The following ANKMY2 variants were observed in gnomAD, a reference collection of about 807,000 sequenced individuals.
ANKMY2 encodes the protein ankyrin repeat and MYND domain containing 2, also known as ankyrin repeat and MYND domain-containing protein 2.
In ANKMY2, 36 loss-of-function variants were observed where a neutral mutation model predicts 50.4. The observed-to-expected ratio is 0.71, with a 90% CI of 0.55 to 0.94. The LOEUF (loss-of-function observed/expected upper bound fraction) is 0.94, where lower values mean the gene tolerates loss of function less well. ANKMY2 is among the 40% of genes least tolerant of loss of function. ANKMY2 has a pLI of 0.00. For missense variants in ANKMY2, 565 were observed against 524.0 expected (o/e 1.08, Z -0.76); for synonymous variants, 187 against 178.8 (o/e 1.05, Z -0.36).
At chr7:16,637,237 A>C (rs1051133037) in intron 1 of ANKMY2, among the ~76,000 whole-genome samples, 2 of 152,246 alleles carry the variant, frequency 1.3e-5, no homozygotes, top group Non-Finnish European at 2.9e-5. Flanking sequence ...AGAAAGGCTA[A>C]GATAAGCCTC....
intron 1 of ANKMY2, among the ~76,000 whole-genome samples, chr7:16,640,138 C>G (rs1430204814): frequency 1.3e-5 from 2 of 152,028 alleles, no homozygotes; most frequent in Non-Finnish European, 2.9e-5. Flanking sequence ...TGCACTCCAG[C>G]TTGGGCGACA....
intron 2 of ANKMY2, 60 bp downstream of exon 2, chr7:16,636,331 A>T: frequency 4.7e-6 from 3 of 631,956 alleles, no homozygotes; most frequent in Non-Finnish European, 7.7e-6. Context: ...AAAAAAAAAA[A>T]GGATATATTA....
At chr7:16,634,733 G>A (rs534557268) in intron 2 of ANKMY2, among the ~76,000 whole-genome samples, 1 of 152,236 alleles carries the variant, frequency 6.6e-6, no homozygotes, top group East Asian at 1.9e-4. Context: ...TGAGAACATT[G>A]CATAGAGGAC....
At chr7:16,624,379 C>A (rs1476883962) in intron 4 of ANKMY2, among the ~76,000 whole-genome samples, 1 of 152,068 alleles carries the variant, frequency 6.6e-6, no homozygotes, top group Admixed American at 6.5e-5. Context: ...GATTAACATG[C>A]CAAGAATTAT....
intron 4 of ANKMY2, among the ~76,000 whole-genome samples, chr7:16,620,583 T>C (rs1217990399): frequency 2.3e-5 from 3 of 131,836 alleles, no homozygotes; most frequent in African/African-American, 1.0e-4. Context: ...TTTAGGGAAA[T>C]ACATGTGTAC....
chr7:16,628,402 G>A (rs1781535413), intron 2 of ANKMY2, among the ~76,000 whole-genome samples: 1 of 151,820 alleles, frequency 6.6e-6, no homozygotes, highest in Non-Finnish European at 1.5e-5. Context: ...CAACTCCGTG[G>A]AAGCAACGGA....
chr7:16,636,485 G>T (rs1395829768), intron 1 of ANKMY2, 30 bp from the exon 2 acceptor site: 2 of 1,514,116 alleles, frequency 1.3e-6, no homozygotes, highest in Non-Finnish European at 1.8e-6. Flanking sequence ...GAAAAGTAAG[G>T]TTATTCGTCA....
At chr7:16,627,725 T>C (rs552646052) in intron 2 of ANKMY2, among the ~76,000 whole-genome samples, 11 of 152,364 alleles carry the variant, frequency 7.2e-5, no homozygotes, top group Admixed American at 3.3e-4. Flanking sequence ...TTTAAAACCA[T>C]GATTCCCCAA....
At chr7:16,642,651 AG>A in intron 1 of ANKMY2, among the ~76,000 whole-genome samples, 1 of 151,572 alleles carries the variant, frequency 6.6e-6, no homozygotes, top group African/African-American at 2.4e-5. Context: ...AACGTATGAA[AG>A]AAAAAAAAAA....
chr7:16,639,230 C>T (rs1396660608), intron 1 of ANKMY2, among the ~76,000 whole-genome samples: 1 of 152,116 alleles, frequency 6.6e-6, no homozygotes, highest in African/African-American at 2.4e-5. Context: ...TTCCTACTGT[C>T]CATAGTAGAC....
intron 2 of ANKMY2, among the ~76,000 whole-genome samples, chr7:16,630,127 C>G (rs73310789): frequency 0.037 from 5,570 of 152,146 alleles, 357 homozygotes; most frequent in African/African-American, 0.13. Context: ...AACTTAGTAT[C>G]AGACAGAATA....
At chr7:16,623,195 C>G (rs568116782) in intron 4 of ANKMY2, among the ~76,000 whole-genome samples, 15 of 151,882 alleles carry the variant, frequency 9.9e-5, no homozygotes, top group African/African-American at 3.6e-4. Flanking sequence ...TTGAAGGAAA[C>G]AAAAAGGGGA....
chr7:16,632,515 T>C (rs1160710626), intron 2 of ANKMY2, among the ~76,000 whole-genome samples: 1 of 152,232 alleles, frequency 6.6e-6, no homozygotes, highest in Non-Finnish European at 1.5e-5. Flanking sequence ...TATGCAATAT[T>C]TTGTGACTGA....
chr7:16,634,617 G>A (rs1689042707), intron 2 of ANKMY2, among the ~76,000 whole-genome samples: 2 of 152,176 alleles, frequency 1.3e-5, no homozygotes, highest in African/African-American at 4.8e-5. Flanking sequence ...ACCCAAGCCT[G>A]GGCAAATAAC....
chr7:16,643,127 G>T (rs570475583), intron 1 of ANKMY2, among the ~76,000 whole-genome samples: 15 of 152,124 alleles, frequency 9.9e-5, no homozygotes, highest in Non-Finnish European at 1.8e-4. Flanking sequence ...TGTGAGGTGG[G>T]TATTATTATT....
Position 16,614,342 on chromosome 7 carries a change from C to T in ANKMY2, c.531+1402G>A, listed in dbSNP as rs147685636. Among the ~76,000 whole-genome samples the T allele has an allele frequency of 3.7e-3, 569 of 152,288 alleles. 2 individuals are homozygous for T. Among genetic ancestry groups the T allele is most frequent in the African/African-American group, 0.012 (512 of 41,552 alleles). On this transcript the variant is annotated intron_variant, in intron 5 of 9. Coordinates refer to ENST00000306999, the MANE Select transcript of ANKMY2 (RefSeq NM_020319.3). ...GTATGCAGTTCACAACTGAATTTGCCCACTTAGTATCACAAGTGTTGCCTC... is the reference window on the plus strand; with the variant it reads ...GTATGCAGTTCACAACTGAATTTGCTCACTTAGTATCACAAGTGTTGCCTC...
At chr7:16,602,790 T>C (rs948442375) in intron 8 of ANKMY2, among the ~76,000 whole-genome samples, 2 of 152,158 alleles carry the variant, frequency 1.3e-5, no homozygotes, top group African/African-American at 4.8e-5. Flanking sequence ...GTCCTCACAA[T>C]ACTGAGTGAG....
At chr7:16,632,744 T>C (rs547585168) in intron 2 of ANKMY2, among the ~76,000 whole-genome samples, 26 of 152,340 alleles carry the variant, frequency 1.7e-4, no homozygotes, top group African/African-American at 6.0e-4. Flanking sequence ...TGTGTGGATA[T>C]ATGTTTTCAT....
At chr7:16,616,693 CGGA>C (rs1781358345) in intron 4 of ANKMY2, among the ~76,000 whole-genome samples, 1 of 152,202 alleles carries the variant, frequency 6.6e-6, no homozygotes, top group Non-Finnish European at 1.5e-5. Context: ...CCTGGATCTC[CGGA>C]GGAGACTTCT....
Sources: gnomAD v4.1 joint callset for allele counts (sites outside exome capture counted in the v4.1 genomes callset) on GRCh38, gnomAD v4.1.1 for gene constraint, MANE v1.5 for transcripts, NCBI Gene and HGNC (gene_info 2026-07-23, HGNC 2026-07-21) for gene names.